FAT3: variants seen among roughly 807,000 people sequenced by gnomAD.
FAT3 encodes FAT atypical cadherin 3.
Under a neutral mutation model 310.2 loss-of-function variants are expected in FAT3, and 95 were observed. The observed-to-expected ratio is 0.31, with a 90% CI of 0.26 to 0.36. FAT3 has a LOEUF of 0.36. Among genes scored for constraint, FAT3 ranks in the 10% least tolerant of loss-of-function variants. The pLI is 1.00. For missense variants in FAT3, 5,408 were observed against 5,715.6 expected (o/e 0.95, Z 1.74); for synonymous variants, 2,314 against 2,192.9 (o/e 1.06, Z -1.54).
At chr11:92,246,914 T>C (rs1864937793) in intron 1 of FAT3, among the ~76,000 whole-genome samples, 1 of 152,096 alleles carries the variant, frequency 6.6e-6, no homozygotes, top group African/African-American at 2.4e-5. Context: ...AAGATGCTCA[T>C]GAATAGGAAT....
At chr11:92,698,146 A>C (rs545314636) in intron 4 of FAT3, among the ~76,000 whole-genome samples, 37 of 152,328 alleles carry the variant, frequency 2.4e-4, no homozygotes, top group African/African-American at 8.9e-4. Context: ...GACGATGCTT[A>C]GAACTCAAGG....
At chr11:92,770,488 G>C (rs1000248923) in intron 6 of FAT3, among the ~76,000 whole-genome samples, 2 of 152,136 alleles carry the variant, frequency 1.3e-5, no homozygotes, top group Non-Finnish European at 2.9e-5. Context: ...ATTGTAACTG[G>C]TGTTTAGCAT....
intron 1 of FAT3, among the ~76,000 whole-genome samples, chr11:92,294,120 T>C (rs1398247580): frequency 6.6e-6 from 1 of 152,068 alleles, no homozygotes; most frequent in Non-Finnish European, 1.5e-5. Context: ...CTATTTGGTT[T>C]CTGATGAGGG....
rs780254083 is a variant in FAT3 at position 92,800,662 on chromosome 11, G to T, written c.7649G>T (p.Gly2550Val). Residue 2550 changes from glycine (G) to valine (V), a missense_variant, in exon 10 of 28, where the codon GGG becomes GTG. By Grantham distance (109) the Gly-to-Val change is moderately radical (BLOSUM62 -3). Around this residue, in one of 5 missense-constraint regions of FAT3, gnomAD observed 4,588 missense variants for 4,809.8 expected, o/e 0.95. Transcript: ENST00000525166. ...GATCGATTCCTCATAGACAGCAATG[G>T]GCAGGTCATCACCACAGAAAGGCTA... ...AKDRFLIDSN[G>V]QVITTERLDR... is the part of the protein sequence containing the mutation. 6.2e-7 allele frequency: 1 copy of T among 1,613,770 alleles called. No homozygotes were observed. Among genetic ancestry groups the T allele is most frequent in the Non-Finnish European group, 8.5e-7 (1 of 1,179,824 alleles).
intron 22 of FAT3, among the ~76,000 whole-genome samples, chr11:92,868,334 A>G (rs1949298645): frequency 6.6e-6 from 1 of 152,208 alleles, no homozygotes; most frequent in South Asian, 2.1e-4. Context: ...TACTACCACA[A>G]TGAGGGCCAA....
intron 1 of FAT3, among the ~76,000 whole-genome samples, chr11:92,296,585 T>A (rs539606435): frequency 3.3e-5 from 5 of 152,104 alleles, no homozygotes; most frequent in Non-Finnish European, 7.4e-5. Context: ...CACGTGCATG[T>A]CAAGTTCAAC....
In FAT3 at chr11:92,844,718, G is replaced by A. The variant is rs202061798; in HGVS notation, c.11351G>A (p.Arg3784His). The A allele has an allele frequency of 7.5e-5, 115 of 1,540,466 alleles. No homozygotes were observed. In the African/African-American group the frequency reaches 1.2e-3, roughly 16 times the overall value. ...TGTCCGCGTTTCTACAGGAACGTGC[G>A]TTGCACCTGCAATGGTGAGTGCAGT... ...FVCPRFYRNV[R>H]CTCNGGLCPG... Residue 3784 changes from arginine (R) to histidine (H), a missense_variant, in exon 19 of 28, where the codon CGT (arginine) becomes CAT (histidine). Coordinates refer to ENST00000525166, the MANE Select transcript of FAT3 (RefSeq NM_001367949.2).
chr11:92,304,930 C>CTAAA (rs1332194830), intron 1 of FAT3, among the ~76,000 whole-genome samples: 1 of 152,106 alleles, frequency 6.6e-6, no homozygotes, highest in Non-Finnish European at 1.5e-5. Context: ...AAACTAAATG[C>CTAAA]TAAATTCTTT....
At chr11:92,646,198 G>A (rs1942161653) in intron 3 of FAT3, among the ~76,000 whole-genome samples, 1 of 152,180 alleles carries the variant, frequency 6.6e-6, no homozygotes. Flanking sequence ...TGTCTAGAGA[G>A]CCCAGGACAG....
intron 3 of FAT3, among the ~76,000 whole-genome samples, chr11:92,536,006 T>G (rs1281259801): frequency 3.3e-5 from 5 of 152,216 alleles, no homozygotes; most frequent in Non-Finnish European, 7.3e-5. Flanking sequence ...TTTCTATAGT[T>G]TGAACAGTAG....
intron 2 of FAT3, among the ~76,000 whole-genome samples, chr11:92,425,397 T>A (rs903489920): frequency 3.0e-4 from 46 of 152,106 alleles, no homozygotes; most frequent in East Asian, 7.7e-4. Flanking sequence ...TTATTTTTTT[T>A]AATTTTTATA....
At position 92,354,447 on chromosome 11, in the gene FAT3, G is replaced by C; in HGVS notation, c.2335G>C (p.Glu779Gln). Residue 779 changes from glutamate to glutamine, a missense_variant, in exon 2 of 28, where the codon GAG becomes CAG. Physicochemically the swap from Glu to Gln is conservative, Grantham distance 29. Transcript: ENST00000525166. The stretch of plus-strand genomic sequence containing the variant: ...GGATAGTTGCTTTAATATTGATATG[G>C]AGACTGGGCAGCTTAAAGTCCTTAT... ...NTDSCFNIDM[E>Q]TGQLKVLMPM... 6.2e-7 allele frequency: 1 copy of C among 1,613,844 alleles called. No individual in the cohort carries two copies. The highest frequency in any genetic ancestry group is 1.1e-5 in the South Asian group (1 of 91,078).
chr11:92,559,619 C>G (rs1356381353), intron 3 of FAT3: 1 of 168,782 alleles, frequency 5.9e-6, no homozygotes, highest in Middle Eastern at 2.9e-3. Context: ...CCCAAATGAT[C>G]CTCTTCCTCT....
intron 3 of FAT3, among the ~76,000 whole-genome samples, chr11:92,696,338 C>T (rs1185403813): frequency 2.0e-5 from 3 of 151,940 alleles, no homozygotes; most frequent in South Asian, 2.1e-4. Context: ...TTCTGAAGGC[C>T]GTGGGGAGCC....
chr11:92,240,769 T>C lies in FAT3; in HGVS notation c.-18+15595T>C, dbSNP rs16917210. 5.7e-3 allele frequency among the ~76,000 whole-genome samples: 866 copies of C among 152,166 alleles called. 17 individuals carry two copies. The highest frequency in any genetic ancestry group is 0.02 in the African/African-American group (824 of 41,556). On this transcript the variant is annotated intron_variant, in intron 1 of 27. Coordinates refer to ENST00000525166, the MANE Select transcript of FAT3 (RefSeq NM_001367949.2). ...CTTGGCTCAAATAATACATATCCAT[T>C]GACAAAAGCCAGCAACTTACTTACC...
intron 3 of FAT3, among the ~76,000 whole-genome samples, chr11:92,618,443 C>T (rs2135657313): frequency 6.6e-6 from 1 of 152,280 alleles, no homozygotes; most frequent in Non-Finnish European, 1.5e-5. Flanking sequence ...TGAGGCAATG[C>T]CCCGCCCTGC....
rs185997737 is a variant in FAT3 at position 92,685,414 on chromosome 11, C to T, written c.3608-11970C>T. ...GCAATAATCATCGCAGCACATAATT[C>T]GTTCTGAATTTGGAAACTTTTCCCA... On this transcript the variant is annotated intron_variant, in intron 3 of 27. Coordinates refer to ENST00000525166, the MANE Select transcript of FAT3 (RefSeq NM_001367949.2). 4.7e-4 allele frequency among the ~76,000 whole-genome samples: 71 copies of T among 151,938 alleles called. No individual in the cohort carries two copies. The East Asian group carries it at 0.011, about 23-fold the overall frequency.
In FAT3 at chr11:92,882,731, G is replaced by C. The variant is rs369657805; in HGVS notation, c.12282-7G>C. ...GACGGTGGGGAGGGGCTTCTGTGTCGCCGCAGGTGTGAGGAGGACATCAAT... is the reference window on the plus strand; with the variant it reads ...GACGGTGGGGAGGGGCTTCTGTGTCCCCGCAGGTGTGAGGAGGACATCAAT... On this transcript the variant is annotated splice_region_variant and splice_polypyrimidine_tract_variant and intron_variant, in intron 23 of 27. Transcript: ENST00000525166. 5 of 1,584,570 alleles carry C rather than the reference G, an allele frequency of 3.2e-6. No homozygotes were observed. The highest frequency in any genetic ancestry group is 4.3e-6 in the Non-Finnish European group (5 of 1,163,132).
intron 15 of FAT3, among the ~76,000 whole-genome samples, chr11:92,836,207 C>G (rs900930460): frequency 6.6e-6 from 1 of 152,172 alleles, no homozygotes; most frequent in African/African-American, 2.4e-5. Flanking sequence ...GAATCCCTCA[C>G]TCAATGGCAG....
Sources: gnomAD v4.1 joint callset for allele counts (sites outside exome capture counted in the v4.1 genomes callset) on GRCh38, gnomAD v4.1.1 for gene constraint, gnomAD v4.1.1 regional missense constraint, MANE v1.5 for transcripts, NCBI Gene and HGNC (gene_info 2026-07-23, HGNC 2026-07-21) for gene names.